The following TRIP11 variants were observed in gnomAD, a reference collection of about 807,000 sequenced individuals.
TRIP11 encodes thyroid receptor-interacting protein 11.
A neutral mutation model predicts 223.1 loss-of-function variants in TRIP11; 148 were observed. That is an observed-to-expected ratio of 0.66 (90% CI 0.58 to 0.76). The LOEUF (loss-of-function observed/expected upper bound fraction) is 0.76, where lower values mean the gene tolerates loss of function less well. TRIP11 is among the 30% of genes least tolerant of loss of function. The pLI, the probability that TRIP11 is intolerant of heterozygous loss-of-function variation, is 0.00. For missense variants in TRIP11, 2,043 were observed against 2,222.0 expected (o/e 0.92, Z 1.62); for synonymous variants, 762 against 772.6 (o/e 0.99, Z 0.23).
In TRIP11 at chr14:92,037,875, A is replaced by T. The variant is rs904148537; in HGVS notation, c.139+1672T>A. Among the ~76,000 whole-genome samples, 2 of 152,210 alleles carry T rather than the reference A, an allele frequency of 1.3e-5. No homozygotes were observed. The highest frequency in any genetic ancestry group is 1.3e-4 in the Admixed American group (2 of 15,284). On this transcript the variant is annotated intron_variant, in intron 1 of 20. Coordinates refer to ENST00000267622, the MANE Select transcript of TRIP11 (RefSeq NM_004239.4). This position sits in a 1 kb window ranked among gnomAD's most constrained non-coding sequence, Gnocchi z 4.2. ...ACGCAACAGAGTGAGACTCAGTCCA[A>T]AACTAAGAGGTTTGGATTTTATTCT...
chr14:92,018,747 AAG>A (rs1278309483), intron 4 of TRIP11, among the ~76,000 whole-genome samples: 1 of 152,046 alleles, frequency 6.6e-6, no homozygotes, highest in African/African-American at 2.4e-5. Flanking sequence ...TCACAAGGGC[AAG>A]AGATCAAGAC....
Position 92,005,946 on chromosome 14 carries a change from AT to A in TRIP11, c.2029del (p.Met677TrpfsTer6), listed in dbSNP as rs768332276. On this transcript the variant is annotated frameshift_variant, in exon 11 of 21. Transcript: ENST00000267622. LOFTEE classifies it high-confidence loss of function. ...NLKKVAFDVK[M>X]ENEKLVLACE... ...TGCTAAAACTAACTTTTCATTTTCC[AT>A]TTTGACATCAAAAGCAACTTTCTTT... 2 of 1,613,272 alleles carry A rather than the reference AT, an allele frequency of 1.2e-6. No individual in the cohort carries two copies. Among genetic ancestry groups the A allele is most frequent in the Non-Finnish European group, 1.7e-6 (2 of 1,179,862 alleles).
intron 9 of TRIP11, among the ~76,000 whole-genome samples, chr14:92,009,147 T>A (rs2056941082): frequency 6.6e-6 from 1 of 152,186 alleles, no homozygotes; most frequent in African/African-American, 2.4e-5. Context: ...GACATTTTCT[T>A]TAGGTAGATC....
In TRIP11 at chr14:91,978,995, G is replaced by T. The variant is rs991023186; in HGVS notation, c.5261-2806C>A. Among the ~76,000 whole-genome samples the T allele has an allele frequency of 6.6e-6, 1 of 152,036 alleles. No homozygotes were observed. The highest frequency in any genetic ancestry group is 1.5e-5 in the Non-Finnish European group (1 of 68,000). On this transcript the variant is annotated intron_variant, in intron 16 of 20. Transcript: ENST00000267622. The surrounding 1 kb of genome is among the most constrained non-coding windows in gnomAD (Gnocchi z 4.4). ...AGAGAGGCTGGGCGCAGTGGCTCAC[G>T]CTTGTAATCCCAGTGCTTTGCGAGG... is the stretch of plus-strand genomic sequence containing the variant.
In TRIP11 at chr14:92,003,553, T is replaced by C; in HGVS notation, c.4423A>G (p.Lys1475Glu). 6.2e-7 allele frequency: 1 copy of C among 1,614,176 alleles called. No individual in the cohort carries two copies. The highest frequency in any genetic ancestry group is 8.5e-7 in the Non-Finnish European group (1 of 1,180,026). ...NEKIVETYRGKETEYQALQET... is the reference protein window; with the variant it reads ...NEKIVETYRGEETEYQALQET... Reference sequence around the variant, plus strand: ...TGTAACGCTTGATATTCTGTTTCCTTTCCCCTGTATGTTTCCACTATTTTT... The same window carrying C: ...TGTAACGCTTGATATTCTGTTTCCTCTCCCCTGTATGTTTCCACTATTTTT... Residue 1475 changes from lysine to glutamate, a missense_variant, in exon 11 of 21, where the codon AAG (lysine) becomes GAG (glutamate). By Grantham distance (56) the Lys-to-Glu change is moderately conservative. Coordinates refer to ENST00000267622, the MANE Select transcript of TRIP11 (RefSeq NM_004239.4).
chr14:91,991,290 G>T (rs1207918405), intron 15 of TRIP11, among the ~76,000 whole-genome samples: 1 of 152,106 alleles, frequency 6.6e-6, no homozygotes, highest in African/African-American at 2.4e-5. Flanking sequence ...TAGCAAGGAG[G>T]TTTACCAGTT....
chr14:91,974,603 A>G lies in TRIP11; in HGVS notation c.5574+24T>C, dbSNP rs74071677. ...TACAGTCATTTTACTATTCACCTTA[A>G]GCAAGAATAAAATTGTTTCTTACAC... On this transcript the variant is annotated intron_variant, in intron 19 of 20. Coordinates refer to ENST00000267622, the MANE Select transcript of TRIP11 (RefSeq NM_004239.4). 7.3e-3 allele frequency: 11,300 copies of G among 1,544,434 alleles called. 371 individuals carry two copies. The African/African-American group carries it at 0.076, about 10-fold the overall frequency.
intron 11 of TRIP11, among the ~76,000 whole-genome samples, chr14:92,001,434 C>G (rs1394101937): frequency 6.7e-6 from 1 of 148,564 alleles, no homozygotes; most frequent in Non-Finnish European, 1.5e-5. Context: ...TTAAATAGAT[C>G]TGAATATCTC....
Position 91,990,980 on chromosome 14 carries a change from C to T in TRIP11, c.5161-2597G>A, listed in dbSNP as rs574808471. On this transcript the variant is annotated intron_variant, in intron 15 of 20. Transcript: ENST00000267622. Reference sequence around the variant, plus strand: ...TGGTCAATAAACATATTAAAAGATGCTTGACCTCACTGGTAATTAGGGAAG... The same window carrying T: ...TGGTCAATAAACATATTAAAAGATGTTTGACCTCACTGGTAATTAGGGAAG... Among the ~76,000 whole-genome samples the T allele has an allele frequency of 5.3e-5, 8 of 152,276 alleles. No homozygotes were observed. The South Asian group carries it at 1.7e-3, about 32-fold the overall frequency.
intron 2 of TRIP11, chr14:92,026,739 AGAG>A: frequency 9.4e-7 from 1 of 1,058,228 alleles, no homozygotes; most frequent in Non-Finnish European, 1.5e-6. Context: ...GTGGGGAGGA[AGAG>A]GAGGAGGAAG....
intron 15 of TRIP11, among the ~76,000 whole-genome samples, chr14:91,988,739 T>C (rs2056637198): frequency 6.6e-6 from 1 of 152,170 alleles, no homozygotes; most frequent in African/African-American, 2.4e-5. Context: ...TTTGAAAGTC[T>C]AATAAAGTGA....
rs565776732 is a variant in TRIP11 at position 91,969,361 on chromosome 14, T to C, written c.*312A>G. 2.7e-6 allele frequency: 1 copy of C among 365,312 alleles called. No homozygotes were observed. The highest frequency in any genetic ancestry group is 4.5e-5 in the East Asian group (1 of 22,412). 22.6% of individuals were successfully genotyped at this position (365,312 alleles called of 1,614,324 possible). A position where few individuals can be genotyped will look rare whatever the true frequency, so the allele number is the denominator to read the frequency against. On this transcript the variant is annotated 3_prime_UTR_variant, in exon 21 of 21. Coordinates refer to ENST00000267622, the MANE Select transcript of TRIP11 (RefSeq NM_004239.4). ...TGAGCTTGGAAATCACAAAAGGAAA[T>C]AAAAAGCTGCCATATAGCTACTAGT... is the stretch of plus-strand genomic sequence containing the variant.
At chr14:92,010,950 C>A (rs955086693) in intron 9 of TRIP11, 36 bp downstream of exon 9, 1 of 1,591,502 alleles carries the variant, frequency 6.3e-7, no homozygotes, top group East Asian at 2.2e-5. Context: ...GTTACACATA[C>A]CATTTTAATT....
chr14:91,979,999 AG>A (rs1370149283), intron 16 of TRIP11, among the ~76,000 whole-genome samples: 1 of 150,654 alleles, frequency 6.6e-6, no homozygotes, highest in Non-Finnish European at 1.5e-5. Context: ...AAAAAGGTGG[AG>A]GGGGGAACTT....
chr14:92,000,696 C>T lies in TRIP11; in HGVS notation c.4558-588G>A, dbSNP rs368279677. ...AACCCCCAAATCAACAAAAAGTGTACGTGTGTGCACACGTATGTGCGTGCT... is the reference window on the plus strand; with the variant it reads ...AACCCCCAAATCAACAAAAAGTGTATGTGTGTGCACACGTATGTGCGTGCT... On this transcript the variant is annotated intron_variant, in intron 11 of 20. Coordinates refer to ENST00000267622, the MANE Select transcript of TRIP11 (RefSeq NM_004239.4). Among the ~76,000 whole-genome samples, 12 of 152,244 alleles carry T rather than the reference C, an allele frequency of 7.9e-5. 1 individual carries two copies. In the South Asian group the frequency reaches 1.7e-3, roughly 21 times the overall value.
intron 1 of TRIP11, among the ~76,000 whole-genome samples, chr14:92,038,513 C>T (rs534919784): frequency 6.6e-6 from 1 of 152,028 alleles, no homozygotes; most frequent in African/African-American, 2.4e-5. Flanking sequence ...CCAGTCTATT[C>T]TTCCTTCCAT....
At chr14:92,038,855 A>C (rs964143873) in intron 1 of TRIP11, among the ~76,000 whole-genome samples, 1 of 152,150 alleles carries the variant, frequency 6.6e-6, no homozygotes, top group Non-Finnish European at 1.5e-5. Context: ...TTACCATGTA[A>C]CTCTGGGTCA....
At chr14:91,994,601 TTTAAAG>T (rs2056724734) in intron 14 of TRIP11, among the ~76,000 whole-genome samples, 1 of 152,206 alleles carries the variant, frequency 6.6e-6, no homozygotes, top group African/African-American at 2.4e-5. Context: ...GAGGTACAAA[TTTAAAG>T]TTTTGCTTAG....
chr14:92,026,942 C>T (rs1270836135), intron 2 of TRIP11: 3 of 1,141,282 alleles, frequency 2.6e-6, no homozygotes, highest in Non-Finnish European at 2.6e-6. Context: ...CCTATTCACC[C>T]TCCACTTCCC....
Sources: allele counts gnomAD v4.1 joint callset (sites outside exome capture counted in the v4.1 genomes callset), GRCh38; gene constraint gnomAD v4.1.1; non-coding constraint Gnocchi (gnomAD v3.1); transcripts MANE v1.5; gene names NCBI Gene and HGNC (gene_info 2026-07-23, HGNC 2026-07-21).